The following SPG7 variants were observed in gnomAD, a reference collection of about 807,000 sequenced individuals.
SPG7 encodes the protein mitochondrial inner membrane m-AAA protease component paraplegin.
In SPG7, 103 loss-of-function variants were observed where a neutral mutation model predicts 81.9. That is an observed-to-expected ratio of 1.26 (90% CI 1.07 to 1.48). The LOEUF is 1.48. SPG7 is among the 40% of genes most tolerant of loss of function. The pLI, the probability that SPG7 is intolerant of heterozygous loss-of-function variation, is 0.00. For synonymous variants in SPG7, 534 were observed against 444.2 expected (o/e 1.20, Z -2.54); for missense variants, 1,241 against 1,087.3 (o/e 1.14, Z -1.99).
In SPG7 at chr16:89,526,315, T is replaced by C; in HGVS notation, c.619-14T>C. On this transcript the variant is annotated splice_polypyrimidine_tract_variant and intron_variant, in intron 4 of 16. Transcript: ENST00000645818. ...CTGCGTTTCTCATGGTCCCCTCTCC[T>C]TTCTGCCCCCCAGCGGCTAGCCTTG... 6.2e-7 allele frequency: 1 copy of C among 1,613,958 alleles called. No homozygotes were observed. The highest frequency in any genetic ancestry group is 8.5e-7 in the Non-Finnish European group (1 of 1,179,920).
At chr16:89,551,188 T>C (rs2058630665) in intron 13 of SPG7, 1 of 184,796 alleles carries the variant, frequency 5.4e-6, no homozygotes, top group Non-Finnish European at 1.2e-5. Context: ...GTCCGAGTGC[T>C]GCCAAGAGGA....
chr16:89,547,636 A>C (rs1460785902), intron 11 of SPG7: 1 of 288,240 alleles, frequency 3.5e-6, no homozygotes, highest in African/African-American at 2.2e-5. Flanking sequence ...ATTTTGAGAC[A>C]GAGTCCTACT....
At chr16:89,510,196 A>C (rs2057995770) in intron 1 of SPG7, among the ~76,000 whole-genome samples, 1 of 148,306 alleles carries the variant, frequency 6.7e-6, no homozygotes, top group African/African-American at 2.5e-5. Flanking sequence ...GCTGGTCTCA[A>C]ACTCCTGACT....
intron 2 of SPG7, among the ~76,000 whole-genome samples, chr16:89,511,973 G>A (rs1435861029): frequency 2.6e-5 from 4 of 151,964 alleles, no homozygotes; most frequent in Non-Finnish European, 5.9e-5. Flanking sequence ...GTGCAGTGGC[G>A]CGATCTCCGC....
At chr16:89,531,836 C>G in intron 7 of SPG7, 68 bp from the exon 8 acceptor site, 1 of 1,551,590 alleles carries the variant, frequency 6.4e-7, no homozygotes, top group Non-Finnish European at 8.9e-7. Context: ...CCAGAGAGAC[C>G]TTACCTCTAA....
At chr16:89,550,209 G>C in intron 12 of SPG7, 1 of 390,260 alleles carries the variant, frequency 2.6e-6, no homozygotes, top group Non-Finnish European at 4.9e-6. Context: ...GTCTTGCTCT[G>C]TCGCCCAGCC....
chr16:89,508,767 G>T (rs1205899987), intron 1 of SPG7, 167 bp downstream of exon 1: 5 of 813,014 alleles, frequency 6.1e-6, no homozygotes, highest in Non-Finnish European at 1.0e-5. Flanking sequence ...GACTGTTGGG[G>T]CCCTGGATCG....
In SPG7 at chr16:89,536,486, T is replaced by C. The variant is rs182897688; in HGVS notation, c.1324+3850T>C. Among the ~76,000 whole-genome samples the C allele has an allele frequency of 0.17, 7,591 of 45,964 alleles. 1,898 individuals carry two copies. Among genetic ancestry groups the C allele is most frequent in the Middle Eastern group, 0.36 (18 of 50 alleles). 30.2% of individuals were successfully genotyped at this position (45,964 alleles called of 152,430 possible). On this transcript the variant is annotated intron_variant, in intron 9 of 16. Transcript: ENST00000645818. ...GGTGAGGCGGGTGAGGCGGGTGAGGTCAGGTGAGGCAGGTGAGGTGAGGCG... is the reference window on the plus strand; with the variant it reads ...GGTGAGGCGGGTGAGGCGGGTGAGGCCAGGTGAGGCAGGTGAGGTGAGGCG...
intron 3 of SPG7, among the ~76,000 whole-genome samples, chr16:89,516,368 C>G (rs992713425): frequency 6.6e-6 from 1 of 151,718 alleles, no homozygotes; most frequent in African/African-American, 2.4e-5. Flanking sequence ...ATGGTGAAAC[C>G]CCTTGTCTAC....
rs2057957544 is a variant in SPG7, at chr16:89,508,407, T to C, written c.-11T>C. ...CCCCGCGGATCACGCAGGCGCGGCT[T>C]TCAGGCCAACATGGCCGTGCTGCTG... On this transcript the variant is annotated 5_prime_UTR_variant, in exon 1 of 17. Coordinates refer to ENST00000645818, the MANE Select transcript of SPG7 (RefSeq NM_003119.4). The C allele has an allele frequency of 6.8e-7, 1 of 1,477,492 alleles. No homozygotes were observed. Among genetic ancestry groups the C allele is most frequent in the Non-Finnish European group, 8.9e-7 (1 of 1,120,504 alleles). The allele number at this position is 1,477,492 out of a possible 1,614,324, so 91.5% of individuals were successfully genotyped here. A position where few individuals can be genotyped will look rare whatever the true frequency, so the allele number is the denominator to read the frequency against.
intron 1 of SPG7, chr16:89,508,806 G>C (rs1443569062): frequency 2.8e-6 from 2 of 704,884 alleles, no homozygotes; most frequent in Middle Eastern, 2.3e-4. Context: ...GGAAGAGGCA[G>C]GGCTGGGATC....
At chr16:89,508,637 C>T (rs1389285103) in intron 1 of SPG7, 37 bp downstream of exon 1, 1 of 1,422,004 alleles carries the variant, frequency 7.0e-7, no homozygotes, top group Non-Finnish European at 9.1e-7. Flanking sequence ...ACCTCCCGCC[C>T]GGCTCTGCTC....
chr16:89,531,281 C>CA, intron 7 of SPG7: 1 of 257,994 alleles, frequency 3.9e-6, no homozygotes, highest in Non-Finnish European at 7.7e-6. Context: ...CCTGGCACCT[C>CA]GGGGCGCTGA....
In SPG7 at chr16:89,557,706, T is replaced by G. The variant is rs1597669788; in HGVS notation, c.*613T>G. Reference sequence around the variant, plus strand: ...CATGCAGTGTTGGGGATGCCTTGGTTTTTACTGCTCTGAGAATTGTTGAGA... The same window carrying G: ...CATGCAGTGTTGGGGATGCCTTGGTGTTTACTGCTCTGAGAATTGTTGAGA... On this transcript the variant is annotated 3_prime_UTR_variant, in exon 17 of 17. Transcript: ENST00000645818. 1.3e-5 allele frequency: 2 copies of G among 155,998 alleles called. No homozygotes were observed. The highest frequency in any genetic ancestry group is 1.2e-4 in the Admixed American group (2 of 16,236). The allele number at this position is 155,998 out of a possible 1,614,324, so 9.7% of individuals were successfully genotyped here.
chr16:89,536,751 T>C (rs2058429984), intron 9 of SPG7: 2 of 1,613,506 alleles, frequency 1.2e-6, no homozygotes, highest in Non-Finnish European at 1.7e-6. Context: ...TCTGCGGCCT[T>C]CTTCTCCAAC....
chr16:89,521,594 T>G (rs1209403343), intron 3 of SPG7: 2 of 152,134 alleles, frequency 1.3e-5, no homozygotes, highest in African/African-American at 4.8e-5. Flanking sequence ...ATTTAAAAAA[T>G]TAGCCGGGCG....
Position 89,550,600 on chromosome 16 carries a change from C to T in SPG7, c.1770C>T (p.Ala590=), listed in dbSNP as rs60488729. 4,788 of 1,611,806 alleles carry T rather than the reference C, an allele frequency of 3.0e-3. 143 individuals carry two copies. In the African/African-American group the frequency reaches 0.056, roughly 19 times the overall value. The change falls in exon 13 of 17, where the codon GCC becomes GCT. Residue 590 remains alanine (A), a synonymous_variant. Transcript: ENST00000645818. ...LVGWMLEHTE[A]VMKVSITPRT... is the part of the protein sequence containing the mutation. ...GCTGGATGCTGGAGCACACGGAGGC[C>T]GTGATGAAGGTGGGTCTTGGCAGGT...
chr16:89,550,222 G>C (rs2058618709), intron 12 of SPG7: 4 of 406,450 alleles, frequency 9.8e-6, no homozygotes, highest in South Asian at 8.3e-5. Flanking sequence ...GCCCAGCCTG[G>C]AGTGCAGTGG....
chr16:89,556,758 C>A, intron 16 of SPG7, 129 bp from the exon 17 acceptor site: 1 of 779,344 alleles, frequency 1.3e-6, no homozygotes, highest in Non-Finnish European at 2.3e-6. Context: ...CTCCGCTTCC[C>A]TGGGAAAGTG....
Sources: allele counts gnomAD v4.1 joint callset (sites outside exome capture counted in the v4.1 genomes callset), GRCh38; gene constraint gnomAD v4.1.1; transcripts MANE v1.5; gene names NCBI Gene and HGNC (gene_info 2026-07-23, HGNC 2026-07-21).